Variants in ROBO2 observed in about 807,000 individuals in gnomAD.
The protein encoded by ROBO2 is roundabout homolog 2.
Under a neutral mutation model 160.8 loss-of-function variants are expected in ROBO2, and 53 were observed. That is an observed-to-expected ratio of 0.33 (90% CI 0.26 to 0.41). The LOEUF (loss-of-function observed/expected upper bound fraction) is 0.41, where lower values mean the gene tolerates loss of function less well. ROBO2 is among the 10% of genes least tolerant of loss of function. The pLI is 1.00. For synonymous variants in ROBO2, 664 were observed against 611.7 expected, an observed-to-expected ratio of 1.09 and a Z score of -1.26; for missense variants, 1,577 against 1,722.4, an observed-to-expected ratio of 0.92 and a Z score of 1.49.
chr3:76,783,306 A>G (rs558189865), intron 2 of ROBO2, among the ~76,000 whole-genome samples: 84 of 151,020 alleles, frequency 5.6e-4, no homozygotes, highest in Middle Eastern at 6.8e-3. Flanking sequence ...TTTGTGCAAC[A>G]TAATTACACT....
chr3:76,717,546 G>A lies in ROBO2; in HGVS notation c.110-380468G>A, dbSNP rs115068698. Among the ~76,000 whole-genome samples, 405 of 152,066 alleles carry A rather than the reference G, an allele frequency of 2.7e-3. 2 individuals carry two copies. The highest frequency in any genetic ancestry group is 9.4e-3 in the African/African-American group (389 of 41,510). Reference sequence around the variant, plus strand: ...CCCACTATCAACCTAACAGAGTTGTGGAGAGTGTAAATGTGAGTATTGTGT... The same window carrying A: ...CCCACTATCAACCTAACAGAGTTGTAGAGAGTGTAAATGTGAGTATTGTGT... On this transcript the variant is annotated intron_variant, in intron 2 of 26. Transcript: ENST00000487694.
At chr3:75,944,385 C>T (rs911125447) in intron 2 of ROBO2, among the ~76,000 whole-genome samples, 3 of 152,158 alleles carry the variant, frequency 2.0e-5, no homozygotes, top group African/African-American at 7.2e-5. Context: ...AACACTTCAA[C>T]TTATAATGCC....
intron 2 of ROBO2, among the ~76,000 whole-genome samples, chr3:76,911,962 T>TA (rs1291518384): frequency 1.3e-5 from 2 of 151,856 alleles, no homozygotes; most frequent in African/African-American, 4.8e-5. Context: ...AGCTGGACCC[T>TA]GTCTCAAAAA....
chr3:75,959,122 A>T (rs1446251467), intron 2 of ROBO2, among the ~76,000 whole-genome samples: 5 of 151,758 alleles, frequency 3.3e-5, no homozygotes, highest in Non-Finnish European at 1.5e-5. Context: ...CAAATGAAAA[A>T]TTTTTAACAT....
At chr3:77,524,788 GT>G (rs142508602) in intron 6 of ROBO2, among the ~76,000 whole-genome samples, 16 of 148,498 alleles carry the variant, frequency 1.1e-4, no homozygotes, top group East Asian at 7.9e-4. Flanking sequence ...GTTTTCAATA[GT>G]TTTTTTTTTC....
chr3:76,798,828 G>A (rs1282895989), intron 2 of ROBO2, among the ~76,000 whole-genome samples: 4 of 152,062 alleles, frequency 2.6e-5, no homozygotes, highest in Non-Finnish European at 2.9e-5. Context: ...GGAAAGTTGA[G>A]GCTTCAGTGA....
At chr3:76,018,719 T>C (rs1475155607) in intron 2 of ROBO2, among the ~76,000 whole-genome samples, 1 of 151,962 alleles carries the variant, frequency 6.6e-6, no homozygotes, top group African/African-American at 2.4e-5. Flanking sequence ...CCTCCCCACA[T>C]GGTTAGTTTC....
intron 2 of ROBO2, among the ~76,000 whole-genome samples, chr3:76,657,868 A>G (rs2091639184): frequency 6.8e-6 from 1 of 147,992 alleles, no homozygotes; most frequent in Non-Finnish European, 1.5e-5. Flanking sequence ...TGAACATTAT[A>G]TATATGTGTG....
chr3:77,212,209 A>G (rs572667230), intron 2 of ROBO2, among the ~76,000 whole-genome samples: 164 of 152,326 alleles, frequency 1.1e-3, no homozygotes, highest in African/African-American at 3.8e-3. Flanking sequence ...ACCCATGAGC[A>G]TGGAATGTTC....
chr3:77,137,234 A>T (rs938740235), intron 2 of ROBO2, among the ~76,000 whole-genome samples: 3 of 151,150 alleles, frequency 2.0e-5, no homozygotes, highest in Non-Finnish European at 3.0e-5. Flanking sequence ...TTTGATGATT[A>T]TTTTTTTTTG....
chr3:77,233,230 A>C (rs1159442894), intron 2 of ROBO2, among the ~76,000 whole-genome samples: 1 of 152,206 alleles, frequency 6.6e-6, no homozygotes, highest in East Asian at 1.9e-4. Context: ...TACCATGAAC[A>C]ATTCAGTAAT....
chr3:76,732,549 G>T (rs1277158467), intron 2 of ROBO2, among the ~76,000 whole-genome samples: 3 of 152,156 alleles, frequency 2.0e-5, no homozygotes, highest in African/African-American at 4.8e-5. Context: ...CTCTCCTCCA[G>T]TTGATTTTTA....
At chr3:76,430,329 T>C (rs2109009932) in intron 2 of ROBO2, among the ~76,000 whole-genome samples, 1 of 152,250 alleles carries the variant, frequency 6.6e-6, no homozygotes, top group East Asian at 1.9e-4. Context: ...ATTTGGTCCT[T>C]TCAGTCACAG....
At chr3:76,799,363 G>A (rs2064024921) in intron 2 of ROBO2, among the ~76,000 whole-genome samples, 1 of 152,122 alleles carries the variant, frequency 6.6e-6, no homozygotes, top group African/African-American at 2.4e-5. Flanking sequence ...AAATAGTACT[G>A]GAAGTTCTAG....
intron 2 of ROBO2, among the ~76,000 whole-genome samples, chr3:77,189,188 G>A (rs1405516062): frequency 6.6e-6 from 1 of 151,838 alleles, no homozygotes; most frequent in Non-Finnish European, 1.5e-5. Flanking sequence ...TACTTGTGAT[G>A]TAACAAATTT....
chr3:76,995,660 G>C (rs543814239), intron 2 of ROBO2, among the ~76,000 whole-genome samples: 1 of 152,246 alleles, frequency 6.6e-6, no homozygotes, highest in South Asian at 2.1e-4. Context: ...GTATGAGATG[G>C]TATCTCATTG....
chr3:77,014,057 A>C (rs1578254035), intron 2 of ROBO2, among the ~76,000 whole-genome samples: 1 of 148,192 alleles, frequency 6.7e-6, no homozygotes, highest in Non-Finnish European at 1.5e-5. Context: ...CTTATTCTAC[A>C]TTCGCCACAC....
chr3:77,543,965 AC>A (rs2092592012), intron 6 of ROBO2, among the ~76,000 whole-genome samples: 1 of 152,052 alleles, frequency 6.6e-6, no homozygotes, highest in Admixed American at 6.6e-5. Context: ...ATTATTCAAC[AC>A]TCCTCACTTG....
At position 75,970,688 on chromosome 3, in the gene ROBO2, C is replaced by T. The variant is rs546251798; in HGVS notation, c.109+33086C>T. Among the ~76,000 whole-genome samples the T allele has an allele frequency of 1.7e-4, 26 of 151,500 alleles. 1 individual carries two copies. Among genetic ancestry groups the T allele is most frequent in the South Asian group, 2.1e-4 (1 of 4,820 alleles). Reference sequence around the variant, plus strand: ...TGCAATCTTTAATCAAATAAGTAAACGCATTATTTGTTTCCAAGTTTGAAG... The same window carrying T: ...TGCAATCTTTAATCAAATAAGTAAATGCATTATTTGTTTCCAAGTTTGAAG... On this transcript the variant is annotated intron_variant, in intron 2 of 26. Coordinates refer to the ROBO2 transcript ENST00000487694.
Sources: gnomAD v4.1 joint callset for allele counts (sites outside exome capture counted in the v4.1 genomes callset) on GRCh38, gnomAD v4.1.1 for gene constraint, MANE v1.5 for transcripts, NCBI Gene and HGNC (gene_info 2026-07-23, HGNC 2026-07-21) for gene names.